Variants in CENPS observed in about 807,000 individuals in gnomAD.
CENPS encodes the protein FANCM associated histone fold protein 1.
In CENPS, 16 loss-of-function variants were observed where a neutral mutation model predicts 17.9. The observed-to-expected ratio is 0.90, with a 90% CI of 0.61 to 1.36. The LOEUF is 1.36. CENPS is among the 40% of genes most tolerant of loss of function. The pLI, the probability that CENPS is intolerant of heterozygous loss-of-function variation, is 0.00. For missense variants in CENPS, 160 were observed against 158.6 expected, an observed-to-expected ratio of 1.01 and a Z score of -0.05; for synonymous variants, 49 against 55.8, an observed-to-expected ratio of 0.88 and a Z score of 0.54.
At chr1:10,441,224 G>C (rs1215494685) in intron 4 of CENPS, among the ~76,000 whole-genome samples, 2 of 149,568 alleles carry the variant, frequency 1.3e-5, no homozygotes, top group South Asian at 2.1e-4. Flanking sequence ...GTCTCTCTCT[G>C]TTGCCCAGGC....
At chr1:10,435,558 G>A (rs964168565) in intron 3 of CENPS, among the ~76,000 whole-genome samples, 49 of 151,692 alleles carry the variant, frequency 3.2e-4, no homozygotes, top group Non-Finnish European at 4.7e-4. Context: ...AAGGGATACC[G>A]ATAGCTCATG....
Position 10,430,583 on chromosome 1 carries a change from G to C in CENPS, c.51+15G>C. 6.5e-7 allele frequency: 1 copy of C among 1,533,560 alleles called. No homozygotes were observed. 95.0% of individuals were successfully genotyped at this position (1,533,560 alleles called of 1,614,324 possible). On this transcript the variant is annotated intron_variant, in intron 1 of 4. Coordinates refer to ENST00000309048, the MANE Select transcript of CENPS (RefSeq NM_199294.3). Reference sequence around the variant, plus strand: ...CTTACCAACAGGTACAGGAAAACGGGGGTCGGGCTGGGCTGGGGCAGGACG... The same window carrying C: ...CTTACCAACAGGTACAGGAAAACGGCGGTCGGGCTGGGCTGGGGCAGGACG...
chr1:10,439,654 T>C (rs771355139), intron 3 of CENPS, among the ~76,000 whole-genome samples: 7 of 152,028 alleles, frequency 4.6e-5, no homozygotes, highest in Non-Finnish European at 1.0e-4. Context: ...AGGCAGAGAA[T>C]TGCTTTAACC....
At position 10,439,720 on chromosome 1, in the gene CENPS, G is replaced by A. The variant is rs4846226; in HGVS notation, c.210-627G>A. ...CGTGCCACTGCCCTCCAGTCTGGGC[G>A]ACAGAACGAGACTCTGTCTCAAAAA... On this transcript the variant is annotated intron_variant, in intron 3 of 4. Transcript: ENST00000309048. 4.5e-3 allele frequency among the ~76,000 whole-genome samples: 678 copies of A among 151,906 alleles called. 20 individuals are homozygous for A. The highest frequency in any genetic ancestry group is 0.038 in the Admixed American group (586 of 15,238).
chr1:10,440,314 C>T (rs771589207), intron 3 of CENPS, 33 bp from the exon 4 acceptor site: 2 of 1,608,910 alleles, frequency 1.2e-6, no homozygotes, highest in Non-Finnish European at 1.7e-6. Flanking sequence ...TAATACCAAA[C>T]ATTTTGGTGA....
intron 1 of CENPS, chr1:10,431,473 T>C (rs1639910923): frequency 1.3e-6 from 2 of 1,483,730 alleles, no homozygotes; most frequent in African/African-American, 2.8e-5. Flanking sequence ...GCTCCCATGC[T>C]TCCCTCCCAG....
chr1:10,431,234 T>C (rs762345795), intron 1 of CENPS: 3 of 1,531,944 alleles, frequency 2.0e-6, no homozygotes, highest in Non-Finnish European at 2.6e-6. Context: ...TGAAGAGGCT[T>C]AAAAGCAAGA....
chr1:10,431,948 T>C (rs1420835200), intron 1 of CENPS, among the ~76,000 whole-genome samples: 1 of 152,042 alleles, frequency 6.6e-6, no homozygotes, highest in South Asian at 2.1e-4. Context: ...AAAACTCTAT[T>C]GAATGTGCAT....
chr1:10,435,773 T>C (rs1169140308), intron 3 of CENPS, among the ~76,000 whole-genome samples: 1 of 149,894 alleles, frequency 6.7e-6, no homozygotes, highest in African/African-American at 2.5e-5. Context: ...CACAGCGTCT[T>C]GGTATGTTGC....
At chr1:10,434,065 A>G in intron 2 of CENPS, 100 bp downstream of exon 2, 2 of 1,561,690 alleles carry the variant, frequency 1.3e-6, no homozygotes, top group South Asian at 1.2e-5. Flanking sequence ...TCTGACCAGC[A>G]GACCAAGAAT....
intron 3 of CENPS, among the ~76,000 whole-genome samples, chr1:10,434,914 G>A (rs184003790): frequency 1.9e-3 from 286 of 152,212 alleles, no homozygotes; most frequent in Middle Eastern, 0.014. Context: ...TTTTGTTAAA[G>A]AACCCAAGTT....
At chr1:10,441,598 G>GCCA (rs1288313809) in intron 4 of CENPS, among the ~76,000 whole-genome samples, 1 of 144,172 alleles carries the variant, frequency 6.9e-6, no homozygotes, top group East Asian at 2.1e-4. Context: ...CCAGGCATGA[G>GCCA]CCACCGCACC....
intron 1 of CENPS, chr1:10,430,835 C>T (rs1039088463): frequency 3.7e-6 from 5 of 1,337,948 alleles, no homozygotes; most frequent in Non-Finnish European, 4.8e-6. Context: ...CGAGAGGCCA[C>T]CTTCTGGCCT....
In CENPS at chr1:10,441,573, C is replaced by T. The variant is rs190996109; in HGVS notation, c.277-692C>T. Among the ~76,000 whole-genome samples the T allele has an allele frequency of 5.2e-3, 776 of 150,090 alleles. 2 individuals carry two copies. The highest frequency in any genetic ancestry group is 8.1e-3 in the Non-Finnish European group (550 of 67,638). On this transcript the variant is annotated intron_variant, in intron 4 of 4. Coordinates refer to ENST00000309048, the MANE Select transcript of CENPS (RefSeq NM_199294.3). ...AAATGATCTGCTTGCCCTGGACTCC[C>T]AAAGTGCTGGGATTCCAGGCATGAG...
rs1639850847 is a variant in CENPS, at chr1:10,430,509, C to T, written c.-9C>T. 6.5e-7 allele frequency: 1 copy of T among 1,538,282 alleles called. No individual in the cohort carries two copies. Among genetic ancestry groups the T allele is most frequent in the Non-Finnish European group, 8.8e-7 (1 of 1,142,682 alleles). ...CCCTCCTGCGTTTGCCCAGGGTCGG[C>T]CCGCAGTGATGGAGGAGGAGGCGGA... On this transcript the variant is annotated 5_prime_UTR_variant, in exon 1 of 5. Transcript: ENST00000309048.
chr1:10,436,410 T>C (rs1570038629), intron 3 of CENPS, among the ~76,000 whole-genome samples: 2 of 151,276 alleles, frequency 1.3e-5, no homozygotes, highest in South Asian at 4.2e-4. Context: ...TATGTAAAAG[T>C]GTTTGTGGAG....
intron 2 of CENPS, among the ~76,000 whole-genome samples, 196 bp downstream of exon 2, chr1:10,434,161 C>T (rs1209770859): frequency 6.6e-6 from 1 of 152,124 alleles, no homozygotes; most frequent in Non-Finnish European, 1.5e-5. Flanking sequence ...TATTTTTTTC[C>T]TATTACACTA....
At chr1:10,437,551 G>C (rs1387137760) in intron 3 of CENPS, among the ~76,000 whole-genome samples, 1 of 151,342 alleles carries the variant, frequency 6.6e-6, no homozygotes, top group African/African-American at 2.4e-5. Context: ...TTGCCTCCTG[G>C]GTTCAAGTGA....
At chr1:10,435,696 A>G (rs1640116509) in intron 3 of CENPS, among the ~76,000 whole-genome samples, 1 of 103,916 alleles carries the variant, frequency 9.6e-6, no homozygotes, top group South Asian at 3.5e-4. Context: ...TTAAATACTT[A>G]AAAATAATAT....
Sources: gnomAD v4.1 joint callset for allele counts (sites outside exome capture counted in the v4.1 genomes callset) on GRCh38, gnomAD v4.1.1 for gene constraint, MANE v1.5 for transcripts, NCBI Gene and HGNC (gene_info 2026-07-23, HGNC 2026-07-21) for gene names.